The following ANKS1B variants were observed in gnomAD, a reference collection of about 807,000 sequenced individuals.
ANKS1B encodes the protein ankyrin repeat and sterile alpha motif domain containing 1B, also known as ankyrin repeat and sterile alpha motif domain-containing protein 1B.
ANKS1B carries 36 observed loss-of-function variants against 148.3 expected under a neutral mutation model. That is an observed-to-expected ratio of 0.24 (90% CI 0.19 to 0.32). The LOEUF (loss-of-function observed/expected upper bound fraction) is 0.32, where lower values mean the gene tolerates loss of function less well. ANKS1B is among the 10% of genes least tolerant of loss of function. The pLI, the probability that ANKS1B is intolerant of heterozygous loss-of-function variation, is 1.00. For synonymous variants in ANKS1B, 542 were observed against 560.8 expected (o/e 0.97, Z 0.47); for missense variants, 1,157 against 1,542.6 (o/e 0.75, Z 4.19).
At position 99,717,996 on chromosome 12, in the gene ANKS1B, C is replaced by T. The variant is rs1347594054; in HGVS notation, c.1128+54926G>A. On this transcript the variant is annotated intron_variant, in intron 8 of 26. Transcript: ENST00000683438. ...TCGGCTCACTGCAAGCTCCGCCTCC[C>T]GGGTTCACGCCATTCTCCTGCCTCA... is the stretch of plus-strand genomic sequence containing the variant. 6.0e-5 allele frequency among the ~76,000 whole-genome samples: 9 copies of T among 150,706 alleles called. No individual in the cohort carries two copies. In the East Asian group the frequency reaches 1.2e-3, roughly 20 times the overall value.
intron 10 of ANKS1B, among the ~76,000 whole-genome samples, chr12:99,461,707 G>A (rs2095975394): frequency 1.3e-5 from 2 of 152,166 alleles, no homozygotes; most frequent in African/African-American, 4.8e-5. Context: ...TCATCATTTT[G>A]GGAACTGTCA....
chr12:99,958,260 C>T (rs902949035), intron 1 of ANKS1B, among the ~76,000 whole-genome samples: 3 of 152,112 alleles, frequency 2.0e-5, no homozygotes, highest in African/African-American at 7.2e-5. Context: ...GAGAGTGCTG[C>T]TACAAAGAAC....
intron 17 of ANKS1B, among the ~76,000 whole-genome samples, chr12:98,871,987 G>A (rs747226419): frequency 2.7e-4 from 41 of 152,152 alleles, no homozygotes; most frequent in Middle Eastern, 3.2e-3. Context: ...GGAAATCTAG[G>A]ATGTTTATAA....
intron 9 of ANKS1B, among the ~76,000 whole-genome samples, chr12:99,545,986 CCAG>C (rs944873590): frequency 2.0e-5 from 3 of 151,866 alleles, no homozygotes; most frequent in African/African-American, 7.3e-5. Flanking sequence ...CCAAATTAGG[CCAG>C]AAGAATACTG....
chr12:99,627,649 G>A (rs1567511196), intron 9 of ANKS1B, among the ~76,000 whole-genome samples: 1 of 152,142 alleles, frequency 6.6e-6, no homozygotes, highest in Non-Finnish European at 1.5e-5. Flanking sequence ...CATAGCCTGA[G>A]GGCCTGCGGC....
At chr12:99,953,220 G>GAATGATAA (rs1480213943) in intron 1 of ANKS1B, among the ~76,000 whole-genome samples, 1 of 150,702 alleles carries the variant, frequency 6.6e-6, no homozygotes, top group Non-Finnish European at 1.5e-5. Flanking sequence ...AAAGAAGGAG[G>GAATGATAA]AATGATAAAA....
In ANKS1B at chr12:98,835,190, T is replaced by C. The variant is rs140447582; in HGVS notation, c.2779-3054A>G. ...AATTGAGCTGATGTAATCCCCACTATTGCTTTTGGTTTACTCTCCCACAAC... is the reference window on the plus strand; with the variant it reads ...AATTGAGCTGATGTAATCCCCACTACTGCTTTTGGTTTACTCTCCCACAAC... On this transcript the variant is annotated intron_variant, in intron 17 of 26. Coordinates refer to ENST00000683438, the MANE Select transcript of ANKS1B (RefSeq NM_001352186.2). Among the ~76,000 whole-genome samples, 1,395 of 152,188 alleles carry C rather than the reference T, an allele frequency of 9.2e-3. 39 individuals are homozygous for C. The highest frequency in any genetic ancestry group is 0.072 in the East Asian group (371 of 5,176).
At chr12:98,856,812 G>A (rs2099574111) in intron 17 of ANKS1B, among the ~76,000 whole-genome samples, 1 of 152,144 alleles carries the variant, frequency 6.6e-6, no homozygotes, top group Non-Finnish European at 1.5e-5. Context: ...AATCTTCTGT[G>A]TCTAGAAGAA....
At chr12:99,843,916 G>GT (rs1204155569) in intron 1 of ANKS1B, among the ~76,000 whole-genome samples, 1 of 151,860 alleles carries the variant, frequency 6.6e-6, no homozygotes, top group Non-Finnish European at 1.5e-5. Context: ...CGCATCTGTT[G>GT]TTTTTTAACT....
At chr12:99,305,612 T>C (rs933169572) in intron 12 of ANKS1B, among the ~76,000 whole-genome samples, 1 of 152,096 alleles carries the variant, frequency 6.6e-6, no homozygotes, top group Non-Finnish European at 1.5e-5. Context: ...AATACAAATA[T>C]AACAAGAAAT....
chr12:99,946,587 G>A (rs1017308918), intron 1 of ANKS1B, among the ~76,000 whole-genome samples: 4 of 151,998 alleles, frequency 2.6e-5, no homozygotes, highest in Non-Finnish European at 4.4e-5. Context: ...TGGGGGTCAG[G>A]GCTTCAATAT....
At chr12:98,978,006 T>C (rs1372787827) in intron 17 of ANKS1B, among the ~76,000 whole-genome samples, 1 of 152,168 alleles carries the variant, frequency 6.6e-6, no homozygotes, top group Non-Finnish European at 1.5e-5. Context: ...CAAGTATCTA[T>C]AAAGAGTTTA....
chr12:99,648,759 T>G, intron 9 of ANKS1B: 2 of 1,613,048 alleles, frequency 1.2e-6, no homozygotes, highest in Non-Finnish European at 1.7e-6. Flanking sequence ...TGGACTCATC[T>G]GTGTTGGAGG....
At chr12:99,341,575 A>C (rs2089926605) in intron 12 of ANKS1B, among the ~76,000 whole-genome samples, 1 of 152,124 alleles carries the variant, frequency 6.6e-6, no homozygotes. Context: ...CAGTAGAACC[A>C]AATTCCCAAT....
At chr12:99,385,550 G>A (rs1593630668) in intron 12 of ANKS1B, among the ~76,000 whole-genome samples, 1 of 152,226 alleles carries the variant, frequency 6.6e-6, no homozygotes, top group South Asian at 2.1e-4. Context: ...ACAGGGAAAT[G>A]ATTCAGGTTC....
intron 8 of ANKS1B, among the ~76,000 whole-genome samples, chr12:99,717,481 A>G (rs945750439): frequency 6.6e-6 from 1 of 152,178 alleles, no homozygotes; most frequent in Non-Finnish European, 1.5e-5. Context: ...AAATCTGGCC[A>G]CCAGGCCAAG....
intron 9 of ANKS1B, among the ~76,000 whole-genome samples, chr12:99,546,476 G>A (rs1030747634): frequency 6.6e-6 from 1 of 152,096 alleles, no homozygotes; most frequent in African/African-American, 2.4e-5. Context: ...GCCAAACCAT[G>A]CCACAAGTTT....
chr12:98,969,470 C>T (rs1446648858), intron 17 of ANKS1B, among the ~76,000 whole-genome samples: 1 of 152,030 alleles, frequency 6.6e-6, no homozygotes, highest in Admixed American at 6.6e-5. Context: ...GTCTTTTCCT[C>T]CTCATACTCA....
intron 17 of ANKS1B, among the ~76,000 whole-genome samples, chr12:98,863,506 T>G (rs1404813852): frequency 6.6e-6 from 1 of 152,240 alleles, no homozygotes; most frequent in African/African-American, 2.4e-5. Context: ...TGGCAACAAA[T>G]TTTTTAATTG....
Sources: gnomAD v4.1 joint callset for allele counts (sites outside exome capture counted in the v4.1 genomes callset) on GRCh38, gnomAD v4.1.1 for gene constraint, MANE v1.5 for transcripts, NCBI Gene and HGNC (gene_info 2026-07-23, HGNC 2026-07-21) for gene names.